Variants in ESR2 observed in about 807,000 individuals in gnomAD.
ESR2 encodes estrogen receptor beta.
A neutral mutation model predicts 49.6 loss-of-function variants in ESR2; 36 were observed. The ratio of observed to expected loss-of-function variants is 0.73; its 90% CI spans 0.56 to 0.96. ESR2 has a LOEUF of 0.96. Ranked by LOEUF, ESR2 falls within the 40% of genes least tolerant of loss-of-function variation. The pLI is 0.00. For synonymous variants in ESR2, 320 were observed against 266.1 expected, an observed-to-expected ratio of 1.20 and a Z score of -1.97; for missense variants, 714 against 693.0, an observed-to-expected ratio of 1.03 and a Z score of -0.34.
At chr14:64,296,043 CAAAAAAA>C (rs34335763), upstream of ESR2, among the ~76,000 whole-genome samples, 2 of 89,256 alleles carry the variant, frequency 2.2e-5, no homozygotes, top group African/African-American at 9.1e-5. Flanking sequence ...GACTCTGTCT[CAAAAAAA>C]AAAAAAAAAA....
At chr14:64,261,974 T>C (rs1178924284) in intron 4 of ESR2, among the ~76,000 whole-genome samples, 1 of 152,134 alleles carries the variant, frequency 6.6e-6, no homozygotes, top group Non-Finnish European at 1.5e-5. Flanking sequence ...TCCTCAATAG[T>C]TTGACTGTTT....
chr14:64,268,024 T>A (rs375873839), intron 4 of ESR2, among the ~76,000 whole-genome samples: 1 of 152,124 alleles, frequency 6.6e-6, no homozygotes, highest in East Asian at 1.9e-4. Flanking sequence ...GCAGAACTGC[T>A]CTGAGTACAT....
Position 64,231,255 on chromosome 14 carries a change from C to A in ESR2, c.*1882G>T, listed in dbSNP as rs190727936. ...AATACATTTAATAGAATTTCACTGG[C>A]AGATAATGAGTTGCTGAAGGCTGCC... is the stretch of plus-strand genomic sequence containing the variant. On this transcript the variant is annotated 3_prime_UTR_variant, in exon 9 of 9. Coordinates refer to ENST00000341099, the MANE Select transcript of ESR2 (RefSeq NM_001437.3). The A allele has an allele frequency of 6.6e-6, 1 of 152,268 alleles. No individual in the cohort carries two copies. The highest frequency in any genetic ancestry group is 1.9e-4 in the East Asian group (1 of 5,186). The allele number at this position is 152,268 out of a possible 1,614,324, so 9.4% of individuals were successfully genotyped here.
At chr14:64,248,540 A>G (rs1201710305) in intron 7 of ESR2, among the ~76,000 whole-genome samples, 1 of 151,450 alleles carries the variant, frequency 6.6e-6, no homozygotes, top group East Asian at 1.9e-4. Context: ...AAAAAGAAAG[A>G]AAGGAATGGT....
At chr14:64,261,414 A>C (rs2076222922) in intron 4 of ESR2, among the ~76,000 whole-genome samples, 1 of 147,834 alleles carries the variant, frequency 6.8e-6, no homozygotes, top group Admixed American at 6.7e-5. Context: ...CGTTTTATAC[A>C]CAAAATTATT....
chr14:64,338,204 G>A (rs560566620), upstream of ESR2: 3 of 155,312 alleles, frequency 1.9e-5, no homozygotes, highest in African/African-American at 7.2e-5. Flanking sequence ...GACCCTCCCT[G>A]AGCCCTGGCA....
In ESR2 at chr14:64,275,451, T is replaced by C. The variant is rs1000159731; in HGVS notation, c.535+4530A>G. On this transcript the variant is annotated intron_variant, in intron 3 of 8. Transcript: ENST00000341099. ...TGAAATATTTTTCCATCCCTTTATTTTCAATCTACATGTGTCTGAGGTGGG... is the reference window on the plus strand; with the variant it reads ...TGAAATATTTTTCCATCCCTTTATTCTCAATCTACATGTGTCTGAGGTGGG... Among the ~76,000 whole-genome samples, 3 of 152,176 alleles carry C rather than the reference T, an allele frequency of 2.0e-5. No homozygotes were observed. In the South Asian group the frequency reaches 6.2e-4, roughly 32 times the overall value.
intron 1 of ESR2, among the ~76,000 whole-genome samples, chr14:64,310,121 A>G (rs976778207): frequency 6.0e-5 from 9 of 151,194 alleles, no homozygotes; most frequent in Non-Finnish European, 1.5e-5. Context: ...AAAAATACAA[A>G]ACTTAGCCGA....
intron 1 of ESR2, among the ~76,000 whole-genome samples, chr14:64,315,829 A>G (rs2077248380): frequency 6.7e-6 from 1 of 149,746 alleles, no homozygotes; most frequent in African/African-American, 2.5e-5. Context: ...TAATTTTTGT[A>G]TTTTTAGTAG....
chr14:64,311,599 C>T (rs897631117), intron 1 of ESR2, among the ~76,000 whole-genome samples: 35 of 148,572 alleles, frequency 2.4e-4, no homozygotes, highest in African/African-American at 8.7e-4. Flanking sequence ...GCTGAGATCA[C>T]GCCATTGCAC....
intron 1 of ESR2, among the ~76,000 whole-genome samples, chr14:64,307,448 C>A (rs944954407): frequency 1.3e-5 from 2 of 151,908 alleles, no homozygotes; most frequent in African/African-American, 4.8e-5. Context: ...CTCCTGACCT[C>A]GTGATCCGCC....
chr14:64,256,614 A>T (rs972492072), intron 6 of ESR2, among the ~76,000 whole-genome samples: 1 of 152,168 alleles, frequency 6.6e-6, no homozygotes, highest in Non-Finnish European at 1.5e-5. Flanking sequence ...CTGTGATCCC[A>T]ACTACTTGAG....
chr14:64,257,583 T>C (rs531354186), intron 5 of ESR2, among the ~76,000 whole-genome samples: 2 of 152,218 alleles, frequency 1.3e-5, no homozygotes, highest in African/African-American at 4.8e-5. Flanking sequence ...GAGACAAATA[T>C]ACTTCATTTA....
chr14:64,323,061 A>T (rs1157881691), intron 1 of ESR2, among the ~76,000 whole-genome samples: 2 of 152,218 alleles, frequency 1.3e-5, no homozygotes, highest in Non-Finnish European at 2.9e-5. Context: ...TGAAGACACC[A>T]TTACCCTTTA....
At chr14:64,271,124 G>A (rs529168252) in intron 3 of ESR2, among the ~76,000 whole-genome samples, 11 of 146,842 alleles carry the variant, frequency 7.5e-5, no homozygotes, top group South Asian at 4.3e-4. Flanking sequence ...TTTTTTTTCC[G>A]AGACAGGGTC....
intron 8 of ESR2, chr14:64,234,536 T>C (rs2098730548): frequency 9.8e-6 from 2 of 203,204 alleles, no homozygotes; most frequent in Non-Finnish European, 2.0e-5. Context: ...AAAGAACAAC[T>C]CTTAGGGAAG....
chr14:64,235,184 C>T (rs1335804150), intron 7 of ESR2, 34 bp from the exon 8 acceptor site: 12 of 1,597,210 alleles, frequency 7.5e-6, no homozygotes, highest in Non-Finnish European at 9.4e-6. Context: ...AGTCATTGCT[C>T]TGAGCAAAGG....
chr14:64,228,036 T>TTG (rs2098723523), downstream of ESR2: 1 of 1,475,770 alleles, frequency 6.8e-7, no homozygotes, highest in Non-Finnish European at 8.9e-7. Flanking sequence ...TTTACTTGTA[T>TTG]ACACAGGACC....
intron 1 of ESR2, among the ~76,000 whole-genome samples, chr14:64,325,980 A>AATTT (rs564056972): frequency 1.4e-5 from 2 of 144,150 alleles, no homozygotes. Context: ...TTATACACAG[A>AATTT]TTTTTTTTTT....
Sources: allele counts gnomAD v4.1 joint callset (sites outside exome capture counted in the v4.1 genomes callset), GRCh38; gene constraint gnomAD v4.1.1; transcripts MANE v1.5; gene names NCBI Gene and HGNC (gene_info 2026-07-23, HGNC 2026-07-21).